The following XPO5 variants were observed in gnomAD, a reference collection of about 807,000 sequenced individuals.
XPO5 encodes exportin 5, also known as exportin-5.
Under a neutral mutation model 160.6 loss-of-function variants are expected in XPO5, and 46 were observed. The observed-to-expected ratio is 0.29, with a 90% CI of 0.23 to 0.37. XPO5 has a LOEUF of 0.37. Among genes scored for constraint, XPO5 ranks in the 10% least tolerant of loss-of-function variants. The probability of loss-of-function intolerance (pLI) is 1.00; values close to 1 mark genes in which losing one functional copy is unlikely to be tolerated. For synonymous variants in XPO5, 537 were observed against 519.3 expected (o/e 1.03, Z -0.46); for missense variants, 1,090 against 1,463.9 (o/e 0.74, Z 4.17).
intron 15 of XPO5, 22 bp from the exon 16 acceptor site, chr6:43,549,956 G>A (rs1795148596): frequency 6.2e-7 from 1 of 1,610,064 alleles, no homozygotes; most frequent in South Asian, 1.1e-5. Context: ...GAGGAAAAAA[G>A]GTCACTCATG....
rs1009029265 is a variant in XPO5, at chr6:43,567,065, A to G, written c.834+104T>C. 6.8e-6 allele frequency: 9 copies of G among 1,328,384 alleles called. No homozygotes were observed. The African/African-American group carries it at 1.2e-4, about 18-fold the overall frequency. 82.3% of individuals were successfully genotyped at this position (1,328,384 alleles called of 1,614,324 possible). ...CAGGCAGTAAGTTGGCCCCAAGGAA[A>G]AAAACCCAAACCTTTAAATGACTTT... On this transcript the variant is annotated intron_variant, in intron 7 of 31. Transcript: ENST00000265351.
At position 43,548,642 on chromosome 6, in the gene XPO5, C is replaced by T. The variant is rs534524643; in HGVS notation, c.1861-182G>A. Reference sequence around the variant, plus strand: ...GCCTAAATAAGCAAGGCAATTTAGGCGGAAGATAGCTCTTGTCTTGAGTAT... The same window carrying T: ...GCCTAAATAAGCAAGGCAATTTAGGTGGAAGATAGCTCTTGTCTTGAGTAT... On this transcript the variant is annotated intron_variant, in intron 17 of 31. Transcript: ENST00000265351. Among the ~76,000 whole-genome samples, 4 of 151,986 alleles carry T rather than the reference C, an allele frequency of 2.6e-5. No homozygotes were observed. In the South Asian group the frequency reaches 8.3e-4, roughly 32 times the overall value.
chr6:43,544,998 G>A (rs966127010), intron 20 of XPO5, among the ~76,000 whole-genome samples: 3 of 151,980 alleles, frequency 2.0e-5, no homozygotes, highest in Non-Finnish European at 2.9e-5. Flanking sequence ...TCAGCCTCTC[G>A]AGTAGCTGGG....
At chr6:43,539,543 T>C in intron 20 of XPO5, 1 of 1,436,026 alleles carries the variant, frequency 7.0e-7, no homozygotes, top group Non-Finnish European at 9.7e-7. Context: ...ATCTTTGGCC[T>C]TGCCTCCGCG....
At chr6:43,540,617 C>T (rs1794642016) in intron 20 of XPO5, among the ~76,000 whole-genome samples, 3 of 152,290 alleles carry the variant, frequency 2.0e-5, no homozygotes, top group Middle Eastern at 6.8e-3. Flanking sequence ...CATGCCTTTG[C>T]ATGCCAGCCT....
In XPO5 at chr6:43,527,430, C is replaced by T. The variant is rs966180720; in HGVS notation, c.2920+204G>A. 1.6e-5 allele frequency: 8 copies of T among 491,152 alleles called. No individual in the cohort carries two copies. In the East Asian group the frequency reaches 2.3e-4, roughly 14 times the overall value. The allele number at this position is 491,152 out of a possible 1,614,324, so 30.4% of individuals were successfully genotyped here. A position where few individuals can be genotyped will look rare whatever the true frequency, so the allele number is the denominator to read the frequency against. ...GGGACTACAGGCCTGCGCGCCACTA[C>T]GCCCAGCTAATTTTTGTATTATTAG... On this transcript the variant is annotated intron_variant, in intron 26 of 31. Transcript: ENST00000265351.
chr6:43,539,554 A>G, intron 20 of XPO5: 2 of 1,395,816 alleles, frequency 1.4e-6, no homozygotes, highest in Non-Finnish European at 2.0e-6. Flanking sequence ...TGCCTCCGCG[A>G]GCTCCGCGGC....
intron 23 of XPO5, among the ~76,000 whole-genome samples, chr6:43,530,052 T>C (rs896277176): frequency 1.3e-5 from 2 of 151,994 alleles, no homozygotes; most frequent in African/African-American, 2.4e-5. Context: ...GTCAGGAGTT[T>C]GAGACCAGCC....
intron 23 of XPO5, 43 bp from the exon 24 acceptor site, chr6:43,528,968 C>A: frequency 1.3e-6 from 2 of 1,562,226 alleles, no homozygotes; most frequent in South Asian, 1.2e-5. Flanking sequence ...AGGCACACAT[C>A]TCTCACCTGC....
intron 1 of XPO5, among the ~76,000 whole-genome samples, chr6:43,573,804 AATAT>A (rs57760552): frequency 3.6e-4 from 42 of 117,168 alleles, no homozygotes; most frequent in Non-Finnish European, 6.1e-4. Flanking sequence ...ATCTCTATTA[AATAT>A]ATATATATAT....
Position 43,525,097 on chromosome 6 carries a change from A to G in XPO5, c.3174+10T>C. 1 of 1,570,534 alleles carries G rather than the reference A, an allele frequency of 6.4e-7. No homozygotes were observed. Among genetic ancestry groups the G allele is most frequent in the Non-Finnish European group, 8.6e-7 (1 of 1,157,294 alleles). On this transcript the variant is annotated intron_variant, in intron 29 of 31. Transcript: ENST00000265351. The stretch of plus-strand genomic sequence containing the variant: ...CATGAGGGGCAGGGAAAAGGGGTGA[A>G]TAACCATACTTGTTTGAGGAGAGGC...
intron 23 of XPO5, 88 bp downstream of exon 23, chr6:43,530,600 C>A: frequency 6.8e-7 from 1 of 1,461,102 alleles, no homozygotes; most frequent in Non-Finnish European, 9.3e-7. Flanking sequence ...TCCAGTTCTG[C>A]CTCTTCCCTC....
Position 43,522,751 on chromosome 6 carries a change from G to A in XPO5, c.*1117C>T, listed in dbSNP as rs774411717. On this transcript the variant is annotated 3_prime_UTR_variant, in exon 32 of 32. Coordinates refer to ENST00000265351, the MANE Select transcript of XPO5 (RefSeq NM_020750.3). The stretch of plus-strand genomic sequence containing the variant: ...CTGGATGGACAACAGGTCTGTTTTT[G>A]TGCAGAGCACATGGACACACTGGTT... 4.1e-6 allele frequency: 2 copies of A among 492,964 alleles called. No homozygotes were observed. Among genetic ancestry groups the A allele is most frequent in the Admixed American group, 2.0e-5 (1 of 48,962 alleles). The allele number at this position is 492,964 out of a possible 1,614,324, so 30.5% of individuals were successfully genotyped here. A position where few individuals can be genotyped will look rare whatever the true frequency, so the allele number is the denominator to read the frequency against.
intron 20 of XPO5, among the ~76,000 whole-genome samples, chr6:43,540,512 G>T (rs894552280): frequency 3.9e-5 from 6 of 152,034 alleles, no homozygotes; most frequent in Non-Finnish European, 8.8e-5. Flanking sequence ...AATTAGCCAG[G>T]CATGGTGGCA....
chr6:43,529,263 C>T, intron 23 of XPO5: 1 of 1,363,400 alleles, frequency 7.3e-7, no homozygotes. Flanking sequence ...GAAAGATTTG[C>T]TGGCTGCGGT....
intron 3 of XPO5, 69 bp downstream of exon 3, chr6:43,572,437 C>T: frequency 2.7e-6 from 4 of 1,473,860 alleles, no homozygotes; most frequent in Non-Finnish European, 3.8e-6. Context: ...TACACAAACT[C>T]CCTATTGAAG....
rs775536769 is a variant in XPO5, at chr6:43,525,826, T to C, written c.3066+13A>G. ...GGCAAGGAGTAAAGGTATCACCTGC[T>C]CCTTCTACCCACCTCATGCTTCATC... On this transcript the variant is annotated intron_variant, in intron 28 of 31. Transcript: ENST00000265351. 9 of 1,613,764 alleles carry C rather than the reference T, an allele frequency of 5.6e-6. No individual in the cohort carries two copies. Among genetic ancestry groups the C allele is most frequent in the Admixed American group, 3.3e-5 (2 of 59,996 alleles).
rs996170433 is a variant in XPO5, at chr6:43,556,132, C to T, written c.1313-168G>A. On this transcript the variant is annotated intron_variant, in intron 12 of 31. Coordinates refer to ENST00000265351, the MANE Select transcript of XPO5 (RefSeq NM_020750.3). The stretch of plus-strand genomic sequence containing the variant: ...CTCAATAAAACTTTATTAACGAATC[C>T]AGAAGTTTTTGAAAATAAATGATCT... The T allele has an allele frequency of 6.6e-6, 6 of 904,638 alleles. No individual in the cohort carries two copies. The African/African-American group carries it at 1.0e-4, about 15-fold the overall frequency. The allele number at this position is 904,638 out of a possible 1,614,324, so 56.0% of individuals were successfully genotyped here.
intron 20 of XPO5, among the ~76,000 whole-genome samples, chr6:43,542,486 T>G (rs1794748944): frequency 6.6e-6 from 1 of 152,162 alleles, no homozygotes. Flanking sequence ...CTCAGCTCAC[T>G]GCAACCTCCG....
Sources: allele counts gnomAD v4.1 joint callset (sites outside exome capture counted in the v4.1 genomes callset), GRCh38; gene constraint gnomAD v4.1.1; transcripts MANE v1.5; gene names NCBI Gene and HGNC (gene_info 2026-07-23, HGNC 2026-07-21).